USP49: variants seen among roughly 807,000 people sequenced by gnomAD.
USP49 encodes the protein ubiquitin specific peptidase 49.
In USP49, 24 loss-of-function variants were observed where a neutral mutation model predicts 58.6. That is an observed-to-expected ratio of 0.41 (90% CI 0.30 to 0.58). The LOEUF (loss-of-function observed/expected upper bound fraction) is 0.58, where lower values mean the gene tolerates loss of function less well. USP49 is among the 20% of genes least tolerant of loss of function. USP49 has a pLI of 0.30. For missense variants in USP49, 703 were observed against 866.1 expected (o/e 0.81, Z 2.36); for synonymous variants, 408 against 365.1 (o/e 1.12, Z -1.34).
rs553188090 is a variant in USP49, at chr6:41,892,262, TA to T, written c.-184-388del. The stretch of plus-strand genomic sequence containing the variant: ...TCAAATAAGTCTATAATCACTTATA[TA>T]AAGATATTGAGCATTAAACAATTAC... On this transcript the variant is annotated intron_variant, in intron 1 of 7. Transcript: ENST00000682992. Among the ~76,000 whole-genome samples the T allele has an allele frequency of 8.5e-3, 1,299 of 152,294 alleles. 12 individuals are homozygous for T. The highest frequency in any genetic ancestry group is 0.012 in the Non-Finnish European group (818 of 68,026).
chr6:41,859,820 G>A (rs1371135651), intron 3 of USP49, among the ~76,000 whole-genome samples: 1 of 152,170 alleles, frequency 6.6e-6, no homozygotes, highest in Non-Finnish European at 1.5e-5. Context: ...AAACTACTAT[G>A]AAAGGGTGCA....
At chr6:41,851,940 C>T (rs1158204282) in intron 3 of USP49, among the ~76,000 whole-genome samples, 1 of 104,534 alleles carries the variant, frequency 9.6e-6, no homozygotes, top group Non-Finnish European at 1.7e-5. Flanking sequence ...GGAGACAGAG[C>T]GAGACTCGTC....
rs770380705 is a variant in USP49 at position 41,790,887 on chromosome 6, A to G, written c.*5646T>C. 4 of 152,218 alleles carry G rather than the reference A, an allele frequency of 2.6e-5. No homozygotes were observed. The highest frequency in any genetic ancestry group is 5.9e-5 in the Non-Finnish European group (4 of 68,038). 9.4% of individuals were successfully genotyped at this position (152,218 alleles called of 1,614,324 possible). On this transcript the variant is annotated 3_prime_UTR_variant, in exon 8 of 8. Transcript: ENST00000682992. ...GGGTATTAAGATAAAGAAGGGTCAC[A>G]TGAGAGCAAAGCTTAGCTTTGAAGC... is the stretch of plus-strand genomic sequence containing the variant.
chr6:41,881,756 ATAAAG>A (rs1334764288), intron 2 of USP49, among the ~76,000 whole-genome samples: 6 of 152,294 alleles, frequency 3.9e-5, no homozygotes, highest in South Asian at 2.1e-4. Context: ...ATGCTTCTGC[ATAAAG>A]TATAGTTTTC....
intron 6 of USP49, 84 bp downstream of exon 6, chr6:41,799,746 T>A: frequency 8.2e-7 from 1 of 1,216,378 alleles, no homozygotes; most frequent in Non-Finnish European, 1.2e-6. Flanking sequence ...CCCAACACCA[T>A]AGAAGACATT....
intron 1 of USP49, among the ~76,000 whole-genome samples, chr6:41,894,808 C>T (rs1298983840): frequency 6.6e-6 from 1 of 152,090 alleles, no homozygotes; most frequent in African/African-American, 2.4e-5. Context: ...CTTTTGCCTC[C>T]TTCCTATCTC....
intron 3 of USP49, among the ~76,000 whole-genome samples, chr6:41,854,610 A>G (rs1007885382): frequency 6.6e-6 from 1 of 152,152 alleles, no homozygotes; most frequent in African/African-American, 2.4e-5. Context: ...TGGTGTTAAA[A>G]TATTCTTTCT....
chr6:41,839,411 A>C (rs1237023579), intron 3 of USP49, among the ~76,000 whole-genome samples: 1 of 139,864 alleles, frequency 7.1e-6, no homozygotes, highest in Non-Finnish European at 1.5e-5. Context: ...TCTCAAAAAA[A>C]AAAAAAAAAA....
At chr6:41,891,935 C>T (rs1774816675) in intron 1 of USP49, 60 bp from the exon 2 acceptor site, 2 of 152,198 alleles carry the variant, frequency 1.3e-5, no homozygotes, top group South Asian at 4.1e-4. Context: ...AAAATATAAA[C>T]TTAAAAGCTT....
intron 3 of USP49, among the ~76,000 whole-genome samples, chr6:41,848,283 G>A (rs1438846733): frequency 1.3e-5 from 2 of 151,990 alleles, no homozygotes; most frequent in African/African-American, 4.8e-5. Flanking sequence ...GAAAAAGGCA[G>A]TAAAAAAGAA....
At position 41,845,659 on chromosome 6, in the gene USP49, C is replaced by T. The variant is rs572652764; in HGVS notation, c.-29+25905G>A. Among the ~76,000 whole-genome samples the T allele has an allele frequency of 2.0e-5, 3 of 152,048 alleles. No homozygotes were observed. The East Asian group carries it at 5.8e-4, about 29-fold the overall frequency. On this transcript the variant is annotated intron_variant, in intron 3 of 7. Transcript: ENST00000682992. ...TTATGATCACACCTGAGAATAGCCA[C>T]TGCATTCCAGCCTGGGCAACACAGT...
chr6:41,820,207 A>G (rs1245008725), intron 3 of USP49, among the ~76,000 whole-genome samples: 1 of 151,028 alleles, frequency 6.6e-6, no homozygotes. Flanking sequence ...AGTTTTATTG[A>G]GGTATAATTG....
Position 41,808,701 on chromosome 6 carries a change from C to T in USP49, c.-28-1690G>A, listed in dbSNP as rs118011405. On this transcript the variant is annotated intron_variant, in intron 3 of 7. Transcript: ENST00000682992. The stretch of plus-strand genomic sequence containing the variant: ...CTGCGATTATAGGTGTGAGCCAACA[C>T]GCCAGGCTGCTATACAACTATTTTA... Among the ~76,000 whole-genome samples the T allele has an allele frequency of 2.4e-3, 359 of 152,010 alleles. 4 individuals carry two copies. In the East Asian group the frequency reaches 0.045, roughly 19 times the overall value.
chr6:41,840,080 T>C (rs1051033048), intron 3 of USP49, among the ~76,000 whole-genome samples: 3 of 149,006 alleles, frequency 2.0e-5, no homozygotes, highest in Non-Finnish European at 4.5e-5. Flanking sequence ...TATTAACATT[T>C]AAAAAAAAAA....
rs760240777 is a variant in USP49, at chr6:41,799,818, C to G, written c.1670+12G>C. Reference sequence around the variant, plus strand: ...AGCTCTCACCCAGCTGGGACTCCCACAGCAAGCTCACCTGAATCTTTTAAG... The same window carrying G: ...AGCTCTCACCCAGCTGGGACTCCCAGAGCAAGCTCACCTGAATCTTTTAAG... On this transcript the variant is annotated intron_variant, in intron 6 of 7. Transcript: ENST00000682992. 1 of 1,612,902 alleles carries G rather than the reference C, an allele frequency of 6.2e-7. No individual in the cohort carries two copies. The highest frequency in any genetic ancestry group is 1.7e-5 in the Admixed American group (1 of 60,020).
At chr6:41,865,918 T>C (rs1201268332) in intron 3 of USP49, among the ~76,000 whole-genome samples, 2 of 42,378 alleles carry the variant, frequency 4.7e-5, no homozygotes, top group African/African-American at 1.6e-4. Flanking sequence ...CATGGTGCCT[T>C]TTTTTTTTTT....
intron 2 of USP49, among the ~76,000 whole-genome samples, chr6:41,883,641 A>AATAC (rs1247710164): frequency 2.0e-5 from 3 of 151,994 alleles, no homozygotes; most frequent in Non-Finnish European, 4.4e-5. Flanking sequence ...TAAATAAATA[A>AATAC]ATAAATAAAA....
At chr6:41,846,769 A>C (rs935230225) in intron 3 of USP49, among the ~76,000 whole-genome samples, 2 of 151,192 alleles carry the variant, frequency 1.3e-5, no homozygotes, top group African/African-American at 2.4e-5. Flanking sequence ...GTTGGAGGAA[A>C]CCCCCCCCAT....
intron 3 of USP49, among the ~76,000 whole-genome samples, chr6:41,829,025 T>A (rs1440479927): frequency 1.3e-5 from 2 of 152,216 alleles, no homozygotes; most frequent in African/African-American, 4.8e-5. Flanking sequence ...CCCCAAGATA[T>A]ATATTTCTTG....
Sources: allele counts gnomAD v4.1 joint callset (sites outside exome capture counted in the v4.1 genomes callset), GRCh38; gene constraint gnomAD v4.1.1; transcripts MANE v1.5; gene names NCBI Gene and HGNC (gene_info 2026-07-23, HGNC 2026-07-21).